FRMD3: variants seen among roughly 807,000 people sequenced by gnomAD.
FRMD3 encodes FERM domain containing 3.
In FRMD3, 33 loss-of-function variants were observed where a neutral mutation model predicts 70.2. The ratio of observed to expected loss-of-function variants is 0.47; its 90% CI spans 0.36 to 0.63. FRMD3 has a LOEUF of 0.63. Ranked by LOEUF, FRMD3 falls within the 20% of genes least tolerant of loss-of-function variation. The pLI is 0.00. For synonymous variants in FRMD3, 279 were observed against 255.9 expected (o/e 1.09, Z -0.86); for missense variants, 632 against 711.4 (o/e 0.89, Z 1.27).
At chr9:83,387,330 T>C (rs1438537932) in intron 2 of FRMD3, among the ~76,000 whole-genome samples, 1 of 152,348 alleles carries the variant, frequency 6.6e-6, no homozygotes, top group East Asian at 1.9e-4. Flanking sequence ...TATTTCATTC[T>C]ATGGGTTATA....
At chr9:83,318,974 T>C (rs1293750719) in intron 6 of FRMD3, among the ~76,000 whole-genome samples, 1 of 152,156 alleles carries the variant, frequency 6.6e-6, no homozygotes, top group Non-Finnish European at 1.5e-5. Context: ...CAATGTTCTT[T>C]GCTCATTTTT....
At chr9:83,356,852 T>C (rs1306986535) in intron 3 of FRMD3, among the ~76,000 whole-genome samples, 2 of 151,860 alleles carry the variant, frequency 1.3e-5, no homozygotes, top group Admixed American at 6.6e-5. Context: ...CCAAGTGGTA[T>C]ATACTGTACC....
intron 1 of FRMD3, among the ~76,000 whole-genome samples, chr9:83,479,755 G>GA: frequency 9.8e-5 from 6 of 61,422 alleles, no homozygotes; most frequent in African/African-American, 4.2e-4. Context: ...GAAAAGAGAA[G>GA]AAGAAGGGAG....
upstream of FRMD3, among the ~76,000 whole-genome samples, chr9:83,541,812 T>C (rs1830002671): frequency 6.6e-6 from 1 of 152,160 alleles, no homozygotes; most frequent in Non-Finnish European, 1.5e-5. Context: ...CAACTAGGAC[T>C]CAATTTGATC....
the FRMD3 span, among the ~76,000 whole-genome samples, chr9:83,583,410 CT>C: frequency 6.6e-6 from 1 of 152,178 alleles, no homozygotes; most frequent in Non-Finnish European, 1.5e-5. Context: ...AGCCTTCCCC[CT>C]GCCAGCCCCA....
intron 1 of FRMD3, among the ~76,000 whole-genome samples, chr9:83,492,664 A>G (rs1176990834): frequency 1.3e-5 from 2 of 152,182 alleles, no homozygotes; most frequent in Admixed American, 1.3e-4. Flanking sequence ...GCATTAATGC[A>G]GTCCTTGAAG....
intron 6 of FRMD3, among the ~76,000 whole-genome samples, chr9:83,335,286 C>G (rs1050097651): frequency 6.6e-6 from 1 of 152,214 alleles, no homozygotes; most frequent in Admixed American, 6.5e-5. Context: ...GATCTAATAA[C>G]TACTGATGGA....
intron 3 of FRMD3, 84 bp downstream of exon 3, chr9:83,372,829 C>T (rs1255938621): frequency 8.1e-7 from 1 of 1,233,438 alleles, no homozygotes; most frequent in Non-Finnish European, 1.2e-6. Flanking sequence ...TCTATTATTC[C>T]CCTGGCAGGA....
chr9:83,349,822 G>C, intron 3 of FRMD3, 65 bp from the exon 4 acceptor site: 1 of 1,248,898 alleles, frequency 8.0e-7, no homozygotes, highest in Non-Finnish European at 1.2e-6. Flanking sequence ...AACACACACG[G>C]GAAAGGCAGC....
At chr9:83,414,334 A>G (rs553964908) in intron 1 of FRMD3, among the ~76,000 whole-genome samples, 20 of 152,222 alleles carry the variant, frequency 1.3e-4, no homozygotes, top group African/African-American at 4.8e-4. Flanking sequence ...AAAAAAATCA[A>G]TCCAAGATAG....
At chr9:83,546,432 A>G in the FRMD3 span, among the ~76,000 whole-genome samples, 4 of 152,332 alleles carry the variant, frequency 2.6e-5, no homozygotes, top group Admixed American at 2.6e-4. Context: ...TAAATGAAGG[A>G]GAAATAAACT....
At chr9:83,313,622 C>G (rs770921264) in intron 7 of FRMD3, 38 bp downstream of exon 7, 1 of 1,516,268 alleles carries the variant, frequency 6.6e-7, no homozygotes, top group Non-Finnish European at 9.2e-7. Context: ...TTGGGCAAAA[C>G]AACCATTATA....
At chr9:83,503,554 T>G (rs1208304986) in intron 1 of FRMD3, among the ~76,000 whole-genome samples, 1 of 152,184 alleles carries the variant, frequency 6.6e-6, no homozygotes, top group South Asian at 2.1e-4. Context: ...GAGTACAGAT[T>G]TGTGATACCC....
intron 4 of FRMD3, among the ~76,000 whole-genome samples, chr9:83,345,465 AGCTCCAGGGGG>A (rs1823923429): frequency 6.6e-6 from 1 of 152,144 alleles, no homozygotes; most frequent in African/African-American, 2.4e-5. Context: ...ATTTCTAATA[AGCTCCAGGGGG>A]GCCGGGCATG....
intron 1 of FRMD3, among the ~76,000 whole-genome samples, chr9:83,406,269 G>A (rs1001148719): frequency 6.6e-6 from 1 of 152,016 alleles, no homozygotes; most frequent in Non-Finnish European, 1.5e-5. Context: ...TTCTGTGAAG[G>A]GCCTCCCAAT....
intron 13 of FRMD3, chr9:83,276,025 G>A (rs1021254769): frequency 1.3e-5 from 2 of 152,166 alleles, no homozygotes; most frequent in Non-Finnish European, 2.9e-5. Flanking sequence ...ACTGACCAAG[G>A]CTACCTATAA....
chr9:83,546,176 G>A, the FRMD3 span, among the ~76,000 whole-genome samples: 6 of 152,018 alleles, frequency 3.9e-5, no homozygotes, highest in Admixed American at 2.0e-4. Flanking sequence ...GGACAACATT[G>A]TGAAATGCCA....
chr9:83,414,359 T>C (rs1450434851), intron 1 of FRMD3, among the ~76,000 whole-genome samples: 1 of 152,138 alleles, frequency 6.6e-6, no homozygotes, highest in Non-Finnish European at 1.5e-5. Context: ...TCGACATCAA[T>C]GTGAAAGGTA....
Position 83,253,161 on chromosome 9 carries a change from G to A in FRMD3, c.1196-4645C>T, listed in dbSNP as rs115503590. ...CAAGAAATGCAAAAGAACTGAAATC[G>A]TAACAGTCTGTCAGCCCACAGTGCA... is the stretch of plus-strand genomic sequence containing the variant. On this transcript the variant is annotated intron_variant, in intron 13 of 13. Coordinates refer to ENST00000304195, the MANE Select transcript of FRMD3 (RefSeq NM_174938.6). Among the ~76,000 whole-genome samples the A allele has an allele frequency of 8.0e-3, 1,209 of 152,028 alleles. 9 individuals carry two copies. The highest frequency in any genetic ancestry group is 0.027 in the African/African-American group (1,134 of 41,522).
Sources: gnomAD v4.1 joint callset for allele counts (sites outside exome capture counted in the v4.1 genomes callset) on GRCh38, gnomAD v4.1.1 for gene constraint, MANE v1.5 for transcripts, NCBI Gene and HGNC (gene_info 2026-07-23, HGNC 2026-07-21) for gene names.